The following NBAS variants were observed in gnomAD, a reference collection of about 807,000 sequenced individuals.
The protein encoded by NBAS is NAG/BC035112 fusion.
Under a neutral mutation model 302.5 loss-of-function variants are expected in NBAS, and 219 were observed. The ratio of observed to expected loss-of-function variants is 0.72; its 90% CI spans 0.65 to 0.81. The LOEUF (loss-of-function observed/expected upper bound fraction) is 0.81, where lower values mean the gene tolerates loss of function less well. Ranked by LOEUF, NBAS falls within the 30% of genes least tolerant of loss-of-function variation. The pLI is 0.00. For synonymous variants in NBAS, 1,118 were observed against 1,021.6 expected (o/e 1.09, Z -1.80); for missense variants, 2,932 against 2,841.6 (o/e 1.03, Z -0.72).
At chr2:14,881,090 T>C in the NBAS span, among the ~76,000 whole-genome samples, 1 of 152,112 alleles carries the variant, frequency 6.6e-6, no homozygotes, top group East Asian at 1.9e-4. Flanking sequence ...TCCACCTAAG[T>C]GTCCATCAAC....
At chr2:15,283,966 C>T (rs527755229) in intron 42 of NBAS, among the ~76,000 whole-genome samples, 1 of 152,188 alleles carries the variant, frequency 6.6e-6, no homozygotes, top group Admixed American at 6.5e-5. Flanking sequence ...AAGATGGCTA[C>T]TAAGTTTGTA....
At position 15,473,205 on chromosome 2, in the gene NBAS, A is replaced by C. The variant is rs1680031660; in HGVS notation, c.1725+17T>G. On this transcript the variant is annotated intron_variant, in intron 16 of 51. Coordinates refer to ENST00000281513, the MANE Select transcript of NBAS (RefSeq NM_015909.4). ...TGAATATACATTTTACCACATTACC[A>C]AAATATTTAAACATACCAAATAATT... 4 of 1,613,138 alleles carry C rather than the reference A, an allele frequency of 2.5e-6. No homozygotes were observed.
the NBAS span, among the ~76,000 whole-genome samples, chr2:14,890,177 G>A: frequency 6.6e-5 from 10 of 152,108 alleles, no homozygotes; most frequent in South Asian, 1.9e-3. Context: ...CTTCCACTGG[G>A]GTGACTATGA....
chr2:14,977,371 C>T, the NBAS span, among the ~76,000 whole-genome samples: 2 of 152,130 alleles, frequency 1.3e-5, no homozygotes, highest in Admixed American at 1.3e-4. Flanking sequence ...AATTCTATAA[C>T]TGAAAATTAC....
chr2:15,209,968 T>C (rs1466993074), intron 48 of NBAS, among the ~76,000 whole-genome samples: 3 of 152,082 alleles, frequency 2.0e-5, no homozygotes, highest in Non-Finnish European at 4.4e-5. Context: ...TATATAAAAA[T>C]CAAATCAAAA....
chr2:15,540,188 A>C (rs915622069), intron 6 of NBAS, among the ~76,000 whole-genome samples: 14 of 152,148 alleles, frequency 9.2e-5, no homozygotes, highest in African/African-American at 3.4e-4. Context: ...CTTTCCCAAC[A>C]AGAATTCAAA....
At chr2:14,832,804 C>A in the NBAS span, among the ~76,000 whole-genome samples, 2 of 152,204 alleles carry the variant, frequency 1.3e-5, no homozygotes, top group Non-Finnish European at 2.9e-5. Flanking sequence ...TTGTTTGGAG[C>A]TGTTTTGTGC....
intron 9 of NBAS, among the ~76,000 whole-genome samples, chr2:15,531,261 A>C (rs1349131823): frequency 6.6e-6 from 1 of 152,220 alleles, no homozygotes; most frequent in East Asian, 1.9e-4. Context: ...CCAAAGAGAA[A>C]TAGGGAAGCC....
chr2:15,163,139 A>G (rs2125089904), downstream of NBAS, among the ~76,000 whole-genome samples: 1 of 152,238 alleles, frequency 6.6e-6, no homozygotes, highest in East Asian at 1.9e-4. Context: ...GGGAATTCTC[A>G]CTTCTTTTAA....
chr2:15,468,396 T>A lies in NBAS; in HGVS notation c.1863A>T (p.Gly621=). ...CTGTAACCAACCTGCCATCATCTGC[T>A]CCTTTCCCTATTGCTAAAAGAGCCT... is the stretch of plus-strand genomic sequence containing the variant. The part of the protein sequence containing the change: ...DLEALLAIGK[G]ADDGRFTLPG... Residue 621 remains glycine, a synonymous_variant, in exon 17 of 52, where the codon GGA becomes GGT. Coordinates refer to ENST00000281513, the MANE Select transcript of NBAS (RefSeq NM_015909.4). The A allele has an allele frequency of 6.2e-7, 1 of 1,614,098 alleles. No homozygotes were observed. The highest frequency in any genetic ancestry group is 1.1e-5 in the South Asian group (1 of 91,084).
the NBAS span, among the ~76,000 whole-genome samples, chr2:15,140,921 G>T: frequency 6.6e-6 from 1 of 152,172 alleles, no homozygotes; most frequent in Non-Finnish European, 1.5e-5. Flanking sequence ...TTACCTGCAA[G>T]CCAGGCTTAT....
At position 15,281,199 on chromosome 2, in the gene NBAS, T is replaced by C. The variant is rs186848192; in HGVS notation, c.5139-4098A>G. On this transcript the variant is annotated intron_variant, in intron 42 of 51. Transcript: ENST00000281513. ...TTGAAGGCCATATGAATAGGCTTTG[T>C]CTCTTCTATAAGGACAACCTGGTAT... is the stretch of plus-strand genomic sequence containing the variant. Among the ~76,000 whole-genome samples, 781 of 152,332 alleles carry C rather than the reference T, an allele frequency of 5.1e-3. 3 individuals are homozygous for C. The highest frequency in any genetic ancestry group is 0.016 in the African/African-American group (666 of 41,584).
the NBAS span, among the ~76,000 whole-genome samples, chr2:14,967,200 A>G: frequency 4.5e-3 from 684 of 152,316 alleles, 18 homozygotes; most frequent in Admixed American, 0.042. Context: ...AATACTGAAT[A>G]TTACTAAGGT....
chr2:14,988,971 A>T, the NBAS span, among the ~76,000 whole-genome samples: 204 of 152,314 alleles, frequency 1.3e-3, 3 homozygotes, highest in African/African-American at 4.7e-3. Context: ...AAAAGGAATA[A>T]GGCCACATGC....
intron 22 of NBAS, among the ~76,000 whole-genome samples, chr2:15,426,737 G>A (rs906536355): frequency 2.0e-5 from 3 of 152,048 alleles, no homozygotes; most frequent in Admixed American, 6.5e-5. Flanking sequence ...TTTCAGTTCC[G>A]TTTTCCGTAT....
intron 19 of NBAS, among the ~76,000 whole-genome samples, chr2:15,462,663 C>T (rs1353637643): frequency 6.6e-6 from 1 of 151,970 alleles, no homozygotes; most frequent in Non-Finnish European, 1.5e-5. Context: ...GAGCAGTTCA[C>T]TTGTAGATGG....
the NBAS span, among the ~76,000 whole-genome samples, chr2:14,785,413 T>A: frequency 6.6e-6 from 1 of 152,194 alleles, no homozygotes; most frequent in Non-Finnish European, 1.5e-5. Context: ...TCAAAGGGAA[T>A]GCTTCCAGTT....
chr2:15,249,265 C>A (rs1211985358), intron 44 of NBAS, among the ~76,000 whole-genome samples: 4 of 152,106 alleles, frequency 2.6e-5, no homozygotes, highest in Non-Finnish European at 4.4e-5. Context: ...AATTCAACAC[C>A]CGTTCATGCT....
chr2:15,292,875 C>G, intron 40 of NBAS, 109 bp from the exon 41 acceptor site: 1 of 1,072,268 alleles, frequency 9.3e-7, no homozygotes, highest in Non-Finnish European at 1.4e-6. Flanking sequence ...TGGCCCTGTA[C>G]ACTATTGCCA....
Sources: allele counts gnomAD v4.1 joint callset (sites outside exome capture counted in the v4.1 genomes callset), GRCh38; gene constraint gnomAD v4.1.1; transcripts MANE v1.5; gene names NCBI Gene and HGNC (gene_info 2026-07-23, HGNC 2026-07-21).